Variants in FTCD observed in about 807,000 individuals in gnomAD.
The protein encoded by FTCD is formimidoyltransferase cyclodeaminase, also known as formimidoyltransferase-cyclodeaminase.
FTCD carries 76 observed loss-of-function variants against 62.9 expected under a neutral mutation model. The observed-to-expected ratio is 1.21, with a 90% CI of 1.00 to 1.46. The LOEUF is 1.46. Ranked by LOEUF, FTCD falls within the 40% of genes most tolerant of loss-of-function variation. The probability of loss-of-function intolerance (pLI) is 0.00; values close to 1 mark genes in which losing one functional copy is unlikely to be tolerated. For synonymous variants in FTCD, 397 were observed against 336.9 expected (o/e 1.18, Z -1.95); for missense variants, 845 against 751.3 (o/e 1.12, Z -1.46).
rs1377919573 is a variant in FTCD, at chr21:46,145,668, G to A, written c.1099-90C>T. On this transcript the variant is annotated intron_variant, in intron 9 of 13. Transcript: ENST00000397746. ...AGCCAGGGGCCCGGGTGATCCCTGC[G>A]GGGGTCCCACCCGTGTGGCCCCCAC... 8.5e-6 allele frequency: 7 copies of A among 824,514 alleles called. No individual in the cohort carries two copies. In the South Asian group the frequency reaches 9.3e-5, roughly 11 times the overall value. 51.1% of individuals were successfully genotyped at this position (824,514 alleles called of 1,614,324 possible). A position where few individuals can be genotyped will look rare whatever the true frequency, so the allele number is the denominator to read the frequency against.
intron 7 of FTCD, among the ~76,000 whole-genome samples, chr21:46,147,522 T>C (rs2079174192): frequency 1.3e-5 from 2 of 152,162 alleles, no homozygotes; most frequent in South Asian, 4.1e-4. Context: ...CCACAGAGCA[T>C]GCACTGGCAA....
Position 46,150,493 on chromosome 21 carries a change from G to A in FTCD, c.669C>T (p.Gly223=). The part of the protein sequence containing the change: ...PGRLKKVQGI[G]WYLDEKNLAQ... Reference sequence around the variant, plus strand: ...CCAGGTTCTTCTCATCCAGGTACCAGCCAATGCCCTGAACTTTCTTCAGAC... The same window carrying A: ...CCAGGTTCTTCTCATCCAGGTACCAACCAATGCCCTGAACTTTCTTCAGAC... The change falls in exon 6 of 14, where the codon GGC becomes GGT. Residue 223 remains glycine, a synonymous_variant. Coordinates refer to ENST00000397746, the MANE Select transcript of FTCD (RefSeq NM_206965.2). 6.2e-7 allele frequency: 1 copy of A among 1,613,292 alleles called. No homozygotes were observed. The highest frequency in any genetic ancestry group is 8.5e-7 in the Non-Finnish European group (1 of 1,179,864).
intron 10 of FTCD, among the ~76,000 whole-genome samples, chr21:46,140,255 G>A (rs1470620196): frequency 6.8e-6 from 1 of 147,836 alleles, no homozygotes; most frequent in South Asian, 2.2e-4. Flanking sequence ...AACCAATGCA[G>A]CACTCCCCGT....
intron 10 of FTCD, among the ~76,000 whole-genome samples, chr21:46,141,625 A>T (rs16978930): frequency 1.3e-5 from 2 of 152,118 alleles, no homozygotes; most frequent in East Asian, 3.9e-4. Context: ...CATAAAGATT[A>T]AGAGTCATTG....
In FTCD at chr21:46,146,325, C is replaced by T; in HGVS notation, c.909G>A (p.Val303=). The T allele has an allele frequency of 6.3e-7, 1 of 1,599,696 alleles. No individual in the cohort carries two copies. The highest frequency in any genetic ancestry group is 8.5e-7 in the Non-Finnish European group (1 of 1,172,632). ...GGGAGTCCAGGCCCAGCCGGCTCAC[C>T]ACCTGGAAAAGGGGCTTGGAGTGGA... The part of the protein sequence containing the change: ...ILEEEQRIRL[V]VSRLGLDSLC... The change falls in exon 8 of 14, where the codon GTG becomes GTA. Residue 303 remains valine, a splice_region_variant and synonymous_variant. Transcript: ENST00000397746.
intron 6 of FTCD, 22 bp downstream of exon 6, chr21:46,150,366 C>T (rs376360202): frequency 3.8e-5 from 61 of 1,612,258 alleles, no homozygotes; most frequent in Non-Finnish European, 5.1e-5. Flanking sequence ...CTCACAGCAG[C>T]AGCGGCTGCT....
rs757496597 is a variant in FTCD at position 46,145,532 on chromosome 21, C to T, written c.1145G>A (p.Arg382His). Residue 382 changes from arginine to histidine, a missense_variant, in exon 10 of 14, where the codon CGC (arginine) becomes CAC (histidine). Arg to His is a conservative substitution (Grantham distance 29). Transcript: ENST00000397746. ...SMVGLMTYGR[R>H]QFQSLDTTMR... ...CGTCGTGTCCAGGGACTGGAATTGG[C>T]GCCGCCCGTAGGTCATGAGGCCCAC... is the stretch of plus-strand genomic sequence containing the variant. The T allele has an allele frequency of 5.8e-6, 9 of 1,546,952 alleles. No homozygotes were observed. Among genetic ancestry groups the T allele is most frequent in the South Asian group, 4.8e-5 (4 of 84,000 alleles).
At chr21:46,145,631 G>C in intron 9 of FTCD, 53 bp from the exon 10 acceptor site, 1 of 1,438,088 alleles carries the variant, frequency 7.0e-7, no homozygotes, top group Non-Finnish European at 9.3e-7. Flanking sequence ...GCCCGGGACC[G>C]ACCCCAGGAA....
intron 1 of FTCD, among the ~76,000 whole-genome samples, chr21:46,154,984 C>T (rs2079396249): frequency 6.6e-6 from 1 of 152,086 alleles, no homozygotes; most frequent in Non-Finnish European, 1.5e-5. Context: ...ACCTGGGGGC[C>T]TGCTGCCCCC....
intron 7 of FTCD, among the ~76,000 whole-genome samples, chr21:46,147,789 C>A (rs1377727084): frequency 3.0e-4 from 45 of 150,710 alleles, no homozygotes; most frequent in Admixed American, 5.9e-4. Context: ...AAAAAAAATA[C>A]AAAAATTAGC....
At chr21:46,136,676 A>T, downstream of FTCD, 1 of 1,463,896 alleles carries the variant, frequency 6.8e-7, no homozygotes, top group Non-Finnish European at 9.0e-7. Flanking sequence ...ATTCCCTCCA[A>T]CCCTGGCTCC....
chr21:46,151,862 C>A (rs758979143), intron 4 of FTCD, 30 bp downstream of exon 4: 2 of 1,556,300 alleles, frequency 1.3e-6, no homozygotes, highest in Admixed American at 1.9e-5. Context: ...CCACCTCCTT[C>A]CCAGGCCCGA....
chr21:46,154,251 G>A lies in FTCD; in HGVS notation c.136C>T (p.Arg46Cys), dbSNP rs368738185. Residue 46 changes from arginine to cysteine, a missense_variant, in exon 2 of 14, where the codon CGC becomes TGC. By Grantham distance (180) the Arg-to-Cys change is radical. Coordinates refer to ENST00000397746, the MANE Select transcript of FTCD (RefSeq NM_206965.2). ...LDVDAGPSTN[R>C]TVYTFVGPPE... ...GGCCCCACGAAGGTGTACACGGTGCGGTTGGTGGAAGGGCCTGCGTCCACA... is the reference window on the plus strand; with the variant it reads ...GGCCCCACGAAGGTGTACACGGTGCAGTTGGTGGAAGGGCCTGCGTCCACA... 21 of 1,612,616 alleles carry A rather than the reference G, an allele frequency of 1.3e-5. No homozygotes were observed. In the Middle Eastern group the frequency reaches 6.6e-4, roughly 51 times the overall value.
At chr21:46,146,725 C>G (rs1442517003) in intron 7 of FTCD, 1 of 265,964 alleles carries the variant, frequency 3.8e-6, no homozygotes, top group Non-Finnish European at 7.2e-6. Context: ...AACAAGTCCT[C>G]AAAAGCTGAG....
At chr21:46,139,689 C>A (rs1264295967) in intron 10 of FTCD, among the ~76,000 whole-genome samples, 1 of 152,224 alleles carries the variant, frequency 6.6e-6, no homozygotes, top group African/African-American at 2.4e-5. Flanking sequence ...GATCCTTTGA[C>A]CATTCCGACA....
At chr21:46,146,485 A>C (rs1030913283) in intron 7 of FTCD, 158 bp from the exon 8 acceptor site, 13 of 632,314 alleles carry the variant, frequency 2.1e-5, no homozygotes, top group Non-Finnish European at 2.6e-5. Flanking sequence ...GGCACCCCCC[A>C]CCTCTGCCCC....
intron 10 of FTCD, among the ~76,000 whole-genome samples, chr21:46,140,642 G>C (rs1217752318): frequency 2.3e-5 from 3 of 128,126 alleles, no homozygotes; most frequent in Non-Finnish European, 5.0e-5. Context: ...CTCACAGGGA[G>C]TGTAAACCCA....
chr21:46,139,392 G>A (rs1361470008), intron 10 of FTCD, among the ~76,000 whole-genome samples: 1 of 152,174 alleles, frequency 6.6e-6, no homozygotes, highest in Admixed American at 6.5e-5. Flanking sequence ...GCCTTTCCTA[G>A]GTGCTCATGT....
intron 10 of FTCD, among the ~76,000 whole-genome samples, chr21:46,141,680 G>T (rs981209827): frequency 2.6e-5 from 4 of 151,314 alleles, no homozygotes; most frequent in African/African-American, 4.9e-5. Flanking sequence ...AACAAACGGG[G>T]AAAGCTGAGC....
Sources: gnomAD v4.1 joint callset for allele counts (sites outside exome capture counted in the v4.1 genomes callset) on GRCh38, gnomAD v4.1.1 for gene constraint, MANE v1.5 for transcripts, NCBI Gene and HGNC (gene_info 2026-07-23, HGNC 2026-07-21) for gene names.